EYS: variants seen among roughly 807,000 people sequenced by gnomAD.
The protein encoded by EYS is EGF-like photoreceptor maintenance factor.
A neutral mutation model predicts 282.1 loss-of-function variants in EYS; 250 were observed. That is an observed-to-expected ratio of 0.89 (90% CI 0.80 to 0.98). The LOEUF (loss-of-function observed/expected upper bound fraction) is 0.98, where lower values mean the gene tolerates loss of function less well. EYS is among the 50% of genes least tolerant of loss of function. EYS has a pLI of 0.00. For synonymous variants in EYS, 1,355 were observed against 1,282.9 expected (o/e 1.06, Z -1.20); for missense variants, 4,016 against 3,709.0 (o/e 1.08, Z -2.15).
At chr6:64,225,937 AT>A (rs1326425925) in intron 31 of EYS, among the ~76,000 whole-genome samples, 2 of 152,132 alleles carry the variant, frequency 1.3e-5, no homozygotes, top group Non-Finnish European at 2.9e-5. Flanking sequence ...AGCCATTGTC[AT>A]TTACTAATAA....
At chr6:64,036,532 G>A (rs1770130008) in intron 33 of EYS, among the ~76,000 whole-genome samples, 1 of 152,212 alleles carries the variant, frequency 6.6e-6, no homozygotes, top group African/African-American at 2.4e-5. Context: ...ATGGATTAGA[G>A]AGGGTTAGTG....
intron 12 of EYS, among the ~76,000 whole-genome samples, chr6:65,062,181 T>A (rs1052657774): frequency 2.6e-5 from 4 of 151,932 alleles, no homozygotes; most frequent in Admixed American, 6.6e-5. Flanking sequence ...TAAATATTAG[T>A]TGACAACACC....
rs184068095 is a variant in EYS, at chr6:65,276,471, C to T, written c.2023+19392G>A. Among the ~76,000 whole-genome samples the T allele has an allele frequency of 1.9e-3, 289 of 151,966 alleles. 1 individual carries two copies. The highest frequency in any genetic ancestry group is 3.1e-3 in the Non-Finnish European group (213 of 67,986). On this transcript the variant is annotated intron_variant, in intron 12 of 42. Coordinates refer to ENST00000503581, the MANE Select transcript of EYS (RefSeq NM_001142800.2). ...ACTGCCACTGGGTCACTTAGAACTC[C>T]TCATGCCTCAGGATCAACAGGCAAA...
chr6:64,646,722 G>C (rs1768366163), intron 22 of EYS, among the ~76,000 whole-genome samples: 1 of 151,652 alleles, frequency 6.6e-6, no homozygotes, highest in Admixed American at 6.6e-5. Context: ...GGAGAATGGC[G>C]TGAACCCGGG....
chr6:64,369,662 C>T (rs937964817), intron 29 of EYS, among the ~76,000 whole-genome samples: 1 of 151,950 alleles, frequency 6.6e-6, no homozygotes, highest in Non-Finnish European at 1.5e-5. Context: ...TCAAAACAGA[C>T]ACCAATAAAA....
At chr6:65,245,646 A>AT (rs539610837) in intron 12 of EYS, among the ~76,000 whole-genome samples, 5 of 151,906 alleles carry the variant, frequency 3.3e-5, no homozygotes, top group Non-Finnish European at 7.4e-5. Context: ...TCTAAATTAC[A>AT]TTTTTACTAG....
chr6:65,476,738 A>T (rs1204335125), intron 5 of EYS, among the ~76,000 whole-genome samples: 2 of 151,998 alleles, frequency 1.3e-5, no homozygotes, highest in Non-Finnish European at 2.9e-5. Context: ...CACCAGGCCC[A>T]GCTAATTTTT....
At chr6:64,215,209 T>C (rs1345751643) in intron 31 of EYS, among the ~76,000 whole-genome samples, 2 of 152,086 alleles carry the variant, frequency 1.3e-5, no homozygotes, top group Non-Finnish European at 2.9e-5. Flanking sequence ...CAAGAAATTC[T>C]AGCAAAGTTT....
At chr6:64,314,273 C>A (rs900161699) in intron 29 of EYS, among the ~76,000 whole-genome samples, 1 of 140,432 alleles carries the variant, frequency 7.1e-6, no homozygotes, top group Non-Finnish European at 1.5e-5. Flanking sequence ...AACAAAGATC[C>A]AAAGAGACAA....
intron 12 of EYS, among the ~76,000 whole-genome samples, chr6:65,233,395 A>G (rs564244520): frequency 6.6e-6 from 1 of 152,218 alleles, no homozygotes; most frequent in South Asian, 2.1e-4. Flanking sequence ...TAACTCTGTG[A>G]GGGATATTTT....
chr6:64,679,111 CCTCTT>C lies in EYS; in HGVS notation c.3444-52871_3444-52867del, dbSNP rs1419463712. Among the ~76,000 whole-genome samples, 135 of 152,138 alleles carry C rather than the reference CCTCTT, an allele frequency of 8.9e-4. 1 individual carries two copies. The highest frequency in any genetic ancestry group is 1.0e-4 in the Non-Finnish European group (7 of 67,998). On this transcript the variant is annotated intron_variant, in intron 22 of 42. Transcript: ENST00000503581. Reference sequence around the variant, plus strand: ...TAAAAAGTTACACTTTCATTTCTATCCTCTTCTCTGCAGTCTCTACCCCAACTTCA... The same window carrying C: ...TAAAAAGTTACACTTTCATTTCTATCCTCTGCAGTCTCTACCCCAACTTCA...
At chr6:64,825,955 A>T (rs1765044599) in intron 19 of EYS, among the ~76,000 whole-genome samples, 1 of 151,804 alleles carries the variant, frequency 6.6e-6, no homozygotes, top group South Asian at 2.1e-4. Flanking sequence ...TTATAACAAC[A>T]AGATTGTTTA....
At chr6:64,392,649 G>C (rs1355952278) in intron 28 of EYS, among the ~76,000 whole-genome samples, 6 of 150,910 alleles carry the variant, frequency 4.0e-5, no homozygotes, top group Non-Finnish European at 8.8e-5. Context: ...GAAATTTATA[G>C]CACTAAATGC....
intron 31 of EYS, among the ~76,000 whole-genome samples, chr6:64,094,900 A>C (rs913369193): frequency 6.6e-6 from 1 of 151,496 alleles, no homozygotes; most frequent in Admixed American, 6.6e-5. Flanking sequence ...TAGTGCTATA[A>C]ATTTCCCTCT....
At chr6:64,776,829 A>G (rs1773692555) in intron 22 of EYS, among the ~76,000 whole-genome samples, 1 of 152,126 alleles carries the variant, frequency 6.6e-6, no homozygotes, top group Non-Finnish European at 1.5e-5. Context: ...TTACTAAGTG[A>G]GACAGGAACA....
chr6:65,577,253 G>A (rs1423269881), intron 2 of EYS, among the ~76,000 whole-genome samples: 1 of 151,746 alleles, frequency 6.6e-6, no homozygotes, highest in East Asian at 1.9e-4. Context: ...CAATGGAACA[G>A]AATAGAAACT....
At chr6:64,501,953 G>A (rs1347395469) in intron 26 of EYS, among the ~76,000 whole-genome samples, 1 of 152,040 alleles carries the variant, frequency 6.6e-6, no homozygotes, top group Admixed American at 6.5e-5. Flanking sequence ...CTGGAACTTG[G>A]GCAAATTACT....
At chr6:63,741,111 G>A (rs186305104) in intron 41 of EYS, among the ~76,000 whole-genome samples, 13 of 152,312 alleles carry the variant, frequency 8.5e-5, no homozygotes, top group Admixed American at 2.6e-4. Context: ...GATGGTCAGA[G>A]TAAGGGGCTG....
At position 64,992,914 on chromosome 6, in the gene EYS, G is replaced by A. The variant is rs772867148; in HGVS notation, c.2259+4668C>T. On this transcript the variant is annotated intron_variant, in intron 14 of 42. Coordinates refer to ENST00000503581, the MANE Select transcript of EYS (RefSeq NM_001142800.2). ...TGTGGTTCCAACTTGGTATACTGAA[G>A]GGACAACTGGGACCTGACCACTGAT... Among the ~76,000 whole-genome samples, 209 of 152,130 alleles carry A rather than the reference G, an allele frequency of 1.4e-3. 1 individual carries two copies. Among genetic ancestry groups the A allele is most frequent in the Middle Eastern group, 0.01 (3 of 294 alleles).
Sources: allele counts gnomAD v4.1 joint callset (sites outside exome capture counted in the v4.1 genomes callset), GRCh38; gene constraint gnomAD v4.1.1; transcripts MANE v1.5; gene names NCBI Gene and HGNC (gene_info 2026-07-23, HGNC 2026-07-21).